The following DLEC1 variants were observed in gnomAD, a reference collection of about 807,000 sequenced individuals.
The protein encoded by DLEC1 is DLEC1 cilia and flagella associated protein.
In DLEC1, 146 loss-of-function variants were observed where a neutral mutation model predicts 198.1. The ratio of observed to expected loss-of-function variants is 0.74; its 90% CI spans 0.64 to 0.85. The LOEUF (loss-of-function observed/expected upper bound fraction) is 0.85, where lower values mean the gene tolerates loss of function less well. Ranked by LOEUF, DLEC1 falls within the 40% of genes least tolerant of loss-of-function variation. The pLI, the probability that DLEC1 is intolerant of heterozygous loss-of-function variation, is 0.00. For synonymous variants in DLEC1, 897 were observed against 866.8 expected, an observed-to-expected ratio of 1.03 and a Z score of -0.61; for missense variants, 2,233 against 2,220.0, an observed-to-expected ratio of 1.01 and a Z score of -0.12.
At position 38,076,971 on chromosome 3, in the gene DLEC1, G is replaced by C. The variant is rs568154798; in HGVS notation, c.1174-7187G>C. ...TGTTAGAAGAAACATTTGTTGTGTA[G>C]AATTATTGGTGATGGCCTGGATACA... On this transcript the variant is annotated intron_variant, in intron 6 of 36. Coordinates refer to ENST00000308059, the MANE Select transcript of DLEC1 (RefSeq NM_007335.4). Among the ~76,000 whole-genome samples the C allele has an allele frequency of 2.1e-3, 316 of 152,226 alleles. 1 individual carries two copies. Among genetic ancestry groups the C allele is most frequent in the African/African-American group, 7.4e-3 (306 of 41,518 alleles).
intron 2 of DLEC1, among the ~76,000 whole-genome samples, chr3:38,050,268 CCATGTTGCCCAGGCTGAGTTTCCAGA>C (rs1701051621): frequency 6.6e-6 from 1 of 152,034 alleles, no homozygotes; most frequent in African/African-American, 2.4e-5. Context: ...CAGGGTCTTG[CCATGTTGCCCAGGCTGAGTTTCCAGA>C]TAACGTCTTA....
rs995800315 is a variant in DLEC1, at chr3:38,093,789, C to A, written c.1919+22C>A. The A allele has an allele frequency of 3.7e-6, 6 of 1,611,714 alleles. No homozygotes were observed. The African/African-American group carries it at 5.3e-5, about 14-fold the overall frequency. On this transcript the variant is annotated intron_variant, in intron 12 of 36. Coordinates refer to ENST00000308059, the MANE Select transcript of DLEC1 (RefSeq NM_007335.4). ...CTACGTGGGTAACCCCTGTGTGTGC[C>A]CCAATACCCAACCCTTCTTCTTGCT...
At position 38,063,837 on chromosome 3, in the gene DLEC1, A is replaced by G; in HGVS notation, c.1095-4A>G. 1 of 1,612,350 alleles carries G rather than the reference A, an allele frequency of 6.2e-7. No individual in the cohort carries two copies. On this transcript the variant is annotated splice_polypyrimidine_tract_variant and splice_region_variant and intron_variant, in intron 5 of 36. Coordinates refer to ENST00000308059, the MANE Select transcript of DLEC1 (RefSeq NM_007335.4). ...CTTTCTCCCCCTCTTTTTTCATCCC[A>G]CAGTTGTGCTGATACTCCAGTGTTT...
chr3:38,120,630 C>T (rs1172275583), intron 34 of DLEC1, 21 bp downstream of exon 34: 2 of 1,612,056 alleles, frequency 1.2e-6, no homozygotes, highest in Non-Finnish European at 1.7e-6. Context: ...GGCCCACCTA[C>T]ATGTGGAGGA....
chr3:38,121,750 C>A lies in DLEC1; in HGVS notation c.4989C>A (p.Ser1663Arg). 6.2e-7 allele frequency: 1 copy of A among 1,614,014 alleles called. No individual in the cohort carries two copies. The highest frequency in any genetic ancestry group is 8.5e-7 in the Non-Finnish European group (1 of 1,179,922). ...RVREVYLMNLSGCRSYWTMLM... is the reference protein window; with the variant it reads ...RVREVYLMNLRGCRSYWTMLM... The stretch of plus-strand genomic sequence containing the variant: ...GGGAGGTCTACCTGATGAACCTGAG[C>A]GGGTGCCGAAGCTACTGGACTATGC... The change falls in exon 35 of 37, where the codon AGC becomes AGA. Residue 1663 changes from serine to arginine, a missense_variant. Ser to Arg is a moderately radical substitution (Grantham distance 110, BLOSUM62 -1). Coordinates refer to ENST00000308059, the MANE Select transcript of DLEC1 (RefSeq NM_007335.4).
Position 38,122,906 on chromosome 3 carries a change from A to ATGAG in DLEC1, c.*496_*499dup. The ATGAG allele has an allele frequency of 1.1e-6, 1 of 893,134 alleles. No homozygotes were observed. The allele number at this position is 893,134 out of a possible 1,614,324, so 55.3% of individuals were successfully genotyped here. ...TGTCATCAGTGTTCACATTTTCCAA[A>ATGAG]TGAGTTGAAGTGCCTTGATCTGTCC... On this transcript the variant is annotated 3_prime_UTR_variant, in exon 37 of 37. Transcript: ENST00000308059.
chr3:38,064,705 C>T (rs1262428800), intron 6 of DLEC1, among the ~76,000 whole-genome samples: 4 of 146,252 alleles, frequency 2.7e-5, no homozygotes, highest in South Asian at 2.2e-4. Flanking sequence ...CAGACGGGGT[C>T]GCGGCCGGGC....
At position 38,122,934 on chromosome 3, in the gene DLEC1, T is replaced by TGCC; in HGVS notation, c.*523_*525dup. ...AGTTGAAGTGCCTTGATCTGTCCACTGCCACCACCACCAGTGCTGAGTTTT... is the reference window on the plus strand; with the variant it reads ...AGTTGAAGTGCCTTGATCTGTCCACTGCCGCCACCACCACCAGTGCTGAGTTTT... On this transcript the variant is annotated 3_prime_UTR_variant, in exon 37 of 37. Coordinates refer to ENST00000308059, the MANE Select transcript of DLEC1 (RefSeq NM_007335.4). 6 of 1,101,332 alleles carry TGCC rather than the reference T, an allele frequency of 5.4e-6. No homozygotes were observed. The South Asian group carries it at 7.9e-5, about 15-fold the overall frequency. 68.2% of individuals were successfully genotyped at this position (1,101,332 alleles called of 1,614,324 possible).
chr3:38,102,735 AC>A (rs1310281891), intron 19 of DLEC1, among the ~76,000 whole-genome samples: 1 of 152,192 alleles, frequency 6.6e-6, no homozygotes, highest in Non-Finnish European at 1.5e-5. Context: ...AGAGAAAGGG[AC>A]CTTTGGGGAA....
At chr3:38,107,231 A>T in intron 19 of DLEC1, among the ~76,000 whole-genome samples, 1 of 152,220 alleles carries the variant, frequency 6.6e-6, no homozygotes, top group Non-Finnish European at 1.5e-5. Context: ...GGAAGTAACC[A>T]TTCTGAAATA....
Position 38,039,291 on chromosome 3 carries a change from A to T in DLEC1, c.66A>T (p.Thr22=), listed in dbSNP as rs761706648. 6.2e-7 allele frequency: 1 copy of T among 1,614,190 alleles called. No individual in the cohort carries two copies. The highest frequency in any genetic ancestry group is 1.1e-5 in the South Asian group (1 of 91,086). ...LASRTNECQG[T]MWAPTSPPAG... is the part of the protein sequence containing the mutation. ...CCCGGACCAACGAGTGCCAGGGGAC[A>T]ATGTGGGCGCCAACTTCGCCACCAG... The change falls in exon 1 of 37, where the codon ACA becomes ACT. Residue 22 remains threonine (T), a synonymous_variant. Coordinates refer to ENST00000308059, the MANE Select transcript of DLEC1 (RefSeq NM_007335.4).
intron 6 of DLEC1, among the ~76,000 whole-genome samples, chr3:38,075,274 G>T (rs907814543): frequency 4.6e-5 from 7 of 152,242 alleles, no homozygotes; most frequent in African/African-American, 1.7e-4. Flanking sequence ...TGGACGTAAG[G>T]CACCTCAGAC....
chr3:38,097,258 C>A lies in DLEC1; in HGVS notation c.2417C>A (p.Pro806His). Residue 806 changes from proline (P) to histidine (H), a missense_variant, in exon 16 of 37, where the codon CCC becomes CAC. By Grantham distance (77) the Pro-to-His change is moderately conservative. Transcript: ENST00000308059. ...ISDCHIIEVEPGTGVIEPSEV... is the reference protein window; with the variant it reads ...ISDCHIIEVEHGTGVIEPSEV... ...GACTGCCACATCATTGAAGTGGAGC[C>A]CGGCACAGGGGTCATAGGTACCTTG... 6.3e-7 allele frequency: 1 copy of A among 1,582,948 alleles called. No individual in the cohort carries two copies. Among genetic ancestry groups the A allele is most frequent in the Non-Finnish European group, 8.6e-7 (1 of 1,163,202 alleles).
chr3:38,054,003 C>G lies in DLEC1; in HGVS notation c.563-5739C>G, dbSNP rs569888395. Among the ~76,000 whole-genome samples the G allele has an allele frequency of 1.8e-4, 28 of 151,900 alleles. No individual in the cohort carries two copies. In the South Asian group the frequency reaches 3.3e-3, roughly 18 times the overall value. ...ACAGATGCTTGAAGGCAGCATGCTCCTTAAGAGTCATCACCACTCCCTAAT... is the reference window on the plus strand; with the variant it reads ...ACAGATGCTTGAAGGCAGCATGCTCGTTAAGAGTCATCACCACTCCCTAAT... On this transcript the variant is annotated intron_variant, in intron 2 of 36. Transcript: ENST00000308059.
chr3:38,077,709 T>TA (rs1307035178), intron 6 of DLEC1, among the ~76,000 whole-genome samples: 1 of 152,116 alleles, frequency 6.6e-6, no homozygotes, highest in Non-Finnish European at 1.5e-5. Context: ...GAAAGGCCTC[T>TA]ACTTATCTAG....
Position 38,122,094 on chromosome 3 carries a change from G to C in DLEC1, c.5044G>C (p.Ala1682Pro). 1 of 1,614,044 alleles carries C rather than the reference G, an allele frequency of 6.2e-7. No individual in the cohort carries two copies. The highest frequency in any genetic ancestry group is 8.5e-7 in the Non-Finnish European group (1 of 1,179,942). Residue 1682 changes from alanine to proline, a missense_variant, in exon 36 of 37, where the codon GCT becomes CCT. Ala to Pro is a conservative substitution (Grantham distance 27). Coordinates refer to ENST00000308059, the MANE Select transcript of DLEC1 (RefSeq NM_007335.4). ...LMGQQEPAKA[A>P]VAFRVSPNSG... ...AGGCCAGCAGGAGCCAGCCAAGGCC[G>C]CTGTGGCCTTCAGGGTCTCCCCAAA...
chr3:38,115,895 G>A lies in DLEC1; in HGVS notation c.3857-558G>A, dbSNP rs926148773. On this transcript the variant is annotated intron_variant, in intron 27 of 36. Coordinates refer to ENST00000308059, the MANE Select transcript of DLEC1 (RefSeq NM_007335.4). ...AGGTTGGGGACAGATTGATGGGGGT[G>A]GCAATCTGTTCAGCTGGGGGACTTC... Among the ~76,000 whole-genome samples, 49 of 152,052 alleles carry A rather than the reference G, an allele frequency of 3.2e-4. 2 individuals are homozygous for A. Among genetic ancestry groups the A allele is most frequent in the Non-Finnish European group, 1.3e-4 (9 of 67,990 alleles).
intron 18 of DLEC1, among the ~76,000 whole-genome samples, chr3:38,099,517 G>C (rs971492753): frequency 6.6e-6 from 1 of 152,180 alleles, no homozygotes; most frequent in African/African-American, 2.4e-5. Flanking sequence ...GATGGTCTCA[G>C]ATTAGGGGAC....
intron 18 of DLEC1, among the ~76,000 whole-genome samples, chr3:38,099,360 G>T (rs1351368892): frequency 2.6e-5 from 4 of 152,174 alleles, no homozygotes; most frequent in African/African-American, 9.7e-5. Flanking sequence ...TCAGTCTGTG[G>T]TGTTCTCCCA....
Sources: gnomAD v4.1 joint callset for allele counts (sites outside exome capture counted in the v4.1 genomes callset) on GRCh38, gnomAD v4.1.1 for gene constraint, MANE v1.5 for transcripts, NCBI Gene and HGNC (gene_info 2026-07-23, HGNC 2026-07-21) for gene names.